The following ITGA4 variants were observed in gnomAD, a reference collection of about 807,000 sequenced individuals.
ITGA4 encodes the protein integrin alpha-4.
In ITGA4, 63 loss-of-function variants were observed where a neutral mutation model predicts 133.6. That is an observed-to-expected ratio of 0.47 (90% CI 0.38 to 0.58). The LOEUF is 0.58. Among genes scored for constraint, ITGA4 ranks in the 20% least tolerant of loss-of-function variants. The pLI is 0.00. For missense variants in ITGA4, 1,076 were observed against 1,252.7 expected (o/e 0.86, Z 2.13); for synonymous variants, 483 against 438.0 (o/e 1.10, Z -1.28).
rs767517710 is a variant in ITGA4, at chr2:181,480,229, A to G, written c.717A>G (p.Leu239=). ...CTACAAATAAATACAAGGCTTTTTTAGACAAACAAAATCAAGTAAAATTTG... is the reference window on the plus strand; with the variant it reads ...CTACAAATAAATACAAGGCTTTTTTGGACAAACAAAATCAAGTAAAATTTG... ...NITTNKYKAF[L]DKQNQVKFGS... Residue 239 remains leucine, a synonymous_variant, in exon 6 of 28, where the codon TTA becomes TTG. Coordinates refer to ENST00000397033, the MANE Select transcript of ITGA4 (RefSeq NM_000885.6). 15 of 1,490,426 alleles carry G rather than the reference A, an allele frequency of 1.0e-5. No homozygotes were observed. The African/African-American group carries it at 2.2e-4, about 21-fold the overall frequency. 92.3% of individuals were successfully genotyped at this position (1,490,426 alleles called of 1,614,324 possible). A position where few individuals can be genotyped will look rare whatever the true frequency, so the allele number is the denominator to read the frequency against.
At chr2:181,490,484 CGTGTGTGTGTGTGTGTGT>C (rs35723610) in intron 10 of ITGA4, among the ~76,000 whole-genome samples, 19 of 137,742 alleles carry the variant, frequency 1.4e-4, no homozygotes, top group Admixed American at 2.2e-4. Context: ...GAATAGTATT[CGTGTGTGTGTGTGTGTGT>C]GTGTGTGTGT....
chr2:181,504,001 A>G (rs1686338901), intron 15 of ITGA4, among the ~76,000 whole-genome samples: 1 of 152,070 alleles, frequency 6.6e-6, no homozygotes, highest in Non-Finnish European at 1.5e-5. Flanking sequence ...AAATTTTGAC[A>G]GATGATATCT....
At chr2:181,492,644 C>A (rs995614005) in intron 10 of ITGA4, among the ~76,000 whole-genome samples, 36 of 152,244 alleles carry the variant, frequency 2.4e-4, no homozygotes, top group African/African-American at 8.4e-4. Context: ...TTGATCAGAT[C>A]TTTTTTCCCT....
rs1204610567 is a variant in ITGA4 at position 181,480,573 on chromosome 2, A to T, written c.754+307A>T. Among the ~76,000 whole-genome samples the T allele has an allele frequency of 2.6e-5, 4 of 152,246 alleles. No homozygotes were observed. In the South Asian group the frequency reaches 6.2e-4, roughly 24 times the overall value. On this transcript the variant is annotated intron_variant, in intron 6 of 27. Coordinates refer to ENST00000397033, the MANE Select transcript of ITGA4 (RefSeq NM_000885.6). The stretch of plus-strand genomic sequence containing the variant: ...GTTTCTATCTCTATGTAGTCAACTG[A>T]TTATACAGGTTGTTTCTGTTGAGTG...
At chr2:181,475,880 C>CA in intron 4 of ITGA4, 1 of 1,593,314 alleles carries the variant, frequency 6.3e-7, no homozygotes, top group Non-Finnish European at 8.5e-7. Flanking sequence ...GGGTGAATGT[C>CA]AACAGAGCAT....
chr2:181,482,068 T>C (rs534801399), intron 7 of ITGA4, among the ~76,000 whole-genome samples: 31 of 152,304 alleles, frequency 2.0e-4, no homozygotes, highest in South Asian at 1.5e-3. Flanking sequence ...ATGTGAACAT[T>C]GGTCACCCAG....
intron 10 of ITGA4, among the ~76,000 whole-genome samples, chr2:181,489,069 ATCTTC>A (rs2067359): frequency 0.034 from 5,193 of 152,132 alleles, 301 homozygotes; most frequent in African/African-American, 0.12. Context: ...ACTTTGCCCC[ATCTTC>A]TCTTATTTTA....
chr2:181,458,254 G>A lies in ITGA4; in HGVS notation c.256G>A (p.Gly86Arg). 1 of 1,613,504 alleles carries A rather than the reference G, an allele frequency of 6.2e-7. No individual in the cohort carries two copies. The highest frequency in any genetic ancestry group is 8.5e-7 in the Non-Finnish European group (1 of 1,179,752). Residue 86 changes from glycine (G) to arginine (R), a missense_variant, in exon 2 of 28, where the codon GGG becomes AGG. Gly to Arg is a moderately radical substitution (Grantham distance 125). Transcript: ENST00000397033. ...CGCCAACGCTTCAGTGATCAATCCC[G>A]GGGCGATTTACAGATGCAGGATCGG... ...WLANASVINP[G>R]AIYRCRIGKN...
chr2:181,537,702 G>GTTGCAAAGTTTT lies in ITGA4; in HGVS notation c.*2178_*2189dup. On this transcript the variant is annotated 3_prime_UTR_variant, in exon 28 of 28. Coordinates refer to ENST00000397033, the MANE Select transcript of ITGA4 (RefSeq NM_000885.6). Reference sequence around the variant, plus strand: ...GGTTAAATATTGATGTATTATGATGGTTGCAAAGTTTTTTTGTGTGTCCAA... The same window carrying GTTGCAAAGTTTT: ...GGTTAAATATTGATGTATTATGATGGTTGCAAAGTTTTTTGCAAAGTTTTTTTGTGTGTCCAA... 1 of 425,146 alleles carries GTTGCAAAGTTTT rather than the reference G, an allele frequency of 2.4e-6. No homozygotes were observed. Among genetic ancestry groups the GTTGCAAAGTTTT allele is most frequent in the Non-Finnish European group, 4.7e-6 (1 of 214,660 alleles). The allele number at this position is 425,146 out of a possible 1,614,324, so 26.3% of individuals were successfully genotyped here. A position where few individuals can be genotyped will look rare whatever the true frequency, so the allele number is the denominator to read the frequency against.
chr2:181,459,584 C>T (rs1019699377), intron 2 of ITGA4, among the ~76,000 whole-genome samples: 1 of 152,148 alleles, frequency 6.6e-6, no homozygotes, highest in African/African-American at 2.4e-5. Flanking sequence ...TTGTCTGTAG[C>T]ATGTAGAATA....
chr2:181,534,551 G>A (rs1687015010), intron 26 of ITGA4, among the ~76,000 whole-genome samples, 181 bp downstream of exon 26: 1 of 152,104 alleles, frequency 6.6e-6, no homozygotes, highest in Non-Finnish European at 1.5e-5. Flanking sequence ...GAACAATACA[G>A]CAGTTCTTTC....
Position 181,458,325 on chromosome 2 carries a change from G to C in ITGA4, c.319+8G>C. ...GCGAACAGCTCCAGCTGGGTGAGTT[G>C]GGTATGGGACCAGGAGTTAGTGACC... On this transcript the variant is annotated splice_region_variant and intron_variant, in intron 2 of 27. Coordinates refer to ENST00000397033, the MANE Select transcript of ITGA4 (RefSeq NM_000885.6). The C allele has an allele frequency of 6.2e-7, 1 of 1,609,448 alleles. No homozygotes were observed. The highest frequency in any genetic ancestry group is 1.1e-5 in the South Asian group (1 of 89,906).
chr2:181,485,055 TGTA>T (rs1196200787), intron 9 of ITGA4, among the ~76,000 whole-genome samples: 1 of 152,202 alleles, frequency 6.6e-6, no homozygotes, highest in African/African-American at 2.4e-5. Flanking sequence ...AATGTCTTAT[TGTA>T]GTAACTCATC....
At chr2:181,474,375 G>GT (rs1298007288) in intron 2 of ITGA4, among the ~76,000 whole-genome samples, 4 of 152,050 alleles carry the variant, frequency 2.6e-5, no homozygotes, top group Non-Finnish European at 4.4e-5. Flanking sequence ...TTTTATCTCT[G>GT]TTGAAAACAT....
chr2:181,465,824 A>C (rs2105716030), intron 2 of ITGA4, among the ~76,000 whole-genome samples: 1 of 152,206 alleles, frequency 6.6e-6, no homozygotes, highest in South Asian at 2.1e-4. Context: ...CCCCACTTAC[A>C]AGTGGTGTGA....
chr2:181,489,872 C>T (rs555801307), intron 10 of ITGA4, among the ~76,000 whole-genome samples: 6 of 152,252 alleles, frequency 3.9e-5, no homozygotes, highest in African/African-American at 1.4e-4. Flanking sequence ...CAAAACTCTT[C>T]GGACGCCGAG....
intron 10 of ITGA4, chr2:181,486,234 A>G (rs749774419): frequency 7.5e-6 from 3 of 397,424 alleles, no homozygotes; most frequent in Middle Eastern, 6.8e-4. Context: ...CTAAGGCACC[A>G]TTGATTAGAA....
At chr2:181,457,231 C>T (rs925250510), upstream of ITGA4, 1 of 190,218 alleles carries the variant, frequency 5.3e-6, no homozygotes, top group African/African-American at 2.4e-5. Flanking sequence ...CAGAGCCATC[C>T]CGCGCTCTGC....
Position 181,498,623 on chromosome 2 carries a change from TTTTGTTTTATAACA to T in ITGA4, c.1543_1556del (p.Leu515GlufsTer19). 6.3e-7 allele frequency: 1 copy of T among 1,593,548 alleles called. No homozygotes were observed. Among genetic ancestry groups the T allele is most frequent in the Non-Finnish European group, 8.6e-7 (1 of 1,167,474 alleles). On this transcript the variant is annotated frameshift_variant and splice_region_variant, in exon 15 of 28. Transcript: ENST00000397033. LOFTEE classifies it high-confidence loss of function. ...ATTGCAATTCTCTATATTTTTGCAG[TTTTGTTTTATAACA>T]TGAGTTTGGATGTGAACAGAAAGGC...
Sources: gnomAD v4.1 joint callset for allele counts (sites outside exome capture counted in the v4.1 genomes callset) on GRCh38, gnomAD v4.1.1 for gene constraint, MANE v1.5 for transcripts, NCBI Gene and HGNC (gene_info 2026-07-23, HGNC 2026-07-21) for gene names.